Variants in CEP95 observed in about 807,000 individuals in gnomAD.
CEP95 encodes centrosomal protein of 95 kDa.
In CEP95, 98 loss-of-function variants were observed where a neutral mutation model predicts 111.2. The ratio of observed to expected loss-of-function variants is 0.88; its 90% CI spans 0.75 to 1.04. The LOEUF (loss-of-function observed/expected upper bound fraction) is 1.04. Among genes scored for constraint, CEP95 ranks in the 50% least tolerant of loss-of-function variants. The probability of loss-of-function intolerance (pLI) is 0.00; values close to 1 mark genes in which losing one functional copy is unlikely to be tolerated. For missense variants in CEP95, 1,027 were observed against 977.2 expected (o/e 1.05, Z -0.68); for synonymous variants, 323 against 327.1 (o/e 0.99, Z 0.14).
At chr17:64,532,134 T>TG in intron 14 of CEP95, 112 bp downstream of exon 14, 1 of 670,234 alleles carries the variant, frequency 1.5e-6, no homozygotes, top group African/African-American at 3.0e-5. Context: ...CCGAAGAAAG[T>TG]TTTTTTTTTT....
chr17:64,509,820 T>G (rs1213443343), intron 2 of CEP95, among the ~76,000 whole-genome samples: 1 of 152,106 alleles, frequency 6.6e-6, no homozygotes, highest in Non-Finnish European at 1.5e-5. Flanking sequence ...CTTATTAGAC[T>G]ATTAGCTGTC....
intron 3 of CEP95, among the ~76,000 whole-genome samples, chr17:64,513,505 G>A (rs943250184): frequency 1.1e-4 from 16 of 152,160 alleles, no homozygotes; most frequent in African/African-American, 3.9e-4. Context: ...TAGGTACTGT[G>A]CTAGGGACTG....
At chr17:64,507,849 G>A (rs1480276486) in intron 1 of CEP95, 2 of 985,382 alleles carry the variant, frequency 2.0e-6, no homozygotes, top group Non-Finnish European at 2.4e-6. Flanking sequence ...CCAATTCCCA[G>A]GCATTTCAAG....
chr17:64,508,870 T>C (rs1555673897), intron 2 of CEP95, 150 bp downstream of exon 2: 2 of 177,502 alleles, frequency 1.1e-5, no homozygotes, highest in Admixed American at 1.3e-4. Context: ...TATATTAATA[T>C]ACAATATTAA....
At chr17:64,507,298 C>G (rs1335082764) in intron 1 of CEP95, 182 bp downstream of exon 1, 4 of 1,464,210 alleles carry the variant, frequency 2.7e-6, no homozygotes, top group East Asian at 5.0e-5. Flanking sequence ...GCTTCGAGGC[C>G]GTGGAACAGC....
chr17:64,524,707 T>TC (rs1967654777), intron 8 of CEP95, among the ~76,000 whole-genome samples: 1 of 152,092 alleles, frequency 6.6e-6, no homozygotes, highest in South Asian at 2.1e-4. Flanking sequence ...GTGCGGTGGC[T>TC]CACACCTGTA....
intron 8 of CEP95, among the ~76,000 whole-genome samples, chr17:64,524,875 T>G (rs956560808): frequency 6.7e-6 from 1 of 149,636 alleles, no homozygotes; most frequent in Admixed American, 6.7e-5. Flanking sequence ...GGAGGCTGAG[T>G]CAGGAGAATT....
chr17:64,532,386 T>C, intron 14 of CEP95: 4 of 985,414 alleles, frequency 4.1e-6, no homozygotes, highest in Non-Finnish European at 4.8e-6. Context: ...TCCTATATAT[T>C]GACAGTGCCA....
chr17:64,523,757 T>A (rs1241813077), intron 8 of CEP95, among the ~76,000 whole-genome samples: 1 of 151,996 alleles, frequency 6.6e-6, no homozygotes, highest in East Asian at 1.9e-4. Flanking sequence ...AAAATTAGCC[T>A]GGAGTGGTGG....
chr17:64,507,020 T>A lies in CEP95; in HGVS notation c.-78T>A. 2.6e-6 allele frequency: 4 copies of A among 1,521,720 alleles called. No homozygotes were observed. In the Admixed American group the frequency reaches 7.8e-5, roughly 30 times the overall value. The allele number at this position is 1,521,720 out of a possible 1,614,324, so 94.3% of individuals were successfully genotyped here. On this transcript the variant is annotated 5_prime_UTR_variant, in exon 1 of 20. Transcript: ENST00000556440. ...CGTGCGTCCGCGCCCCAGTGTCGGG[T>A]CTGCGTGGATCGGTCCTTCCAGGAC...
chr17:64,508,742 G>A, intron 2 of CEP95, 22 bp downstream of exon 2: 11 of 1,332,034 alleles, frequency 8.3e-6, no homozygotes, highest in Non-Finnish European at 1.1e-5. Flanking sequence ...AAAAGCAGGA[G>A]TAATTTTGCC....
chr17:64,524,179 T>TG (rs1967606003), intron 8 of CEP95, among the ~76,000 whole-genome samples: 4 of 152,224 alleles, frequency 2.6e-5, no homozygotes, highest in Non-Finnish European at 4.4e-5. Context: ...GGTAATACTC[T>TG]GTTTCTTGAC....
chr17:64,532,097 C>T (rs1968321431), intron 14 of CEP95, 75 bp downstream of exon 14: 1 of 1,416,940 alleles, frequency 7.1e-7, no homozygotes, highest in Admixed American at 2.8e-5. Flanking sequence ...AAGGACACAG[C>T]ACTGAAAGCT....
chr17:64,507,243 C>T lies in CEP95; in HGVS notation c.19+127C>T, dbSNP rs1598163696. 1.3e-5 allele frequency: 19 copies of T among 1,519,324 alleles called. No individual in the cohort carries two copies. In the South Asian group the frequency reaches 1.8e-4, roughly 15 times the overall value. The allele number at this position is 1,519,324 out of a possible 1,614,324, so 94.1% of individuals were successfully genotyped here. A position where few individuals can be genotyped will look rare whatever the true frequency, so the allele number is the denominator to read the frequency against. ...CGTGACCTTCAGACGCCGCGTCGCG[C>T]TGGCGGGTTCCCTGGATAGGGTCTC... On this transcript the variant is annotated intron_variant, in intron 1 of 19. Coordinates refer to ENST00000556440, the MANE Select transcript of CEP95 (RefSeq NM_138363.3).
chr17:64,530,294 G>A (rs564773305), intron 12 of CEP95, among the ~76,000 whole-genome samples: 3 of 152,102 alleles, frequency 2.0e-5, no homozygotes, highest in Non-Finnish European at 4.4e-5. Flanking sequence ...GCTGAGGCAG[G>A]AGAATCACTT....
rs1968526884 is a variant in CEP95 at position 64,534,672 on chromosome 17, T to C, written c.2005T>C (p.Tyr669His). The change falls in exon 17 of 20, where the codon TAT becomes CAT. Residue 669 changes from tyrosine (Y) to histidine (H), a missense_variant. Tyr to His is a moderately conservative substitution (Grantham distance 83). Transcript: ENST00000556440. ...ACAGCAAATCGTTCGTGCTCGAAAA[T>C]ATTATGATGATTATAGAGTTCAGTT... is the stretch of plus-strand genomic sequence containing the variant. ...NRQQIVRARKYYDDYRVQLCA... is the reference protein window; with the variant it reads ...NRQQIVRARKHYDDYRVQLCA... The C allele has an allele frequency of 6.2e-7, 1 of 1,610,248 alleles. No homozygotes were observed. The highest frequency in any genetic ancestry group is 2.2e-5 in the East Asian group (1 of 44,838).
At chr17:64,514,176 C>G in intron 3 of CEP95, 72 bp from the exon 4 acceptor site, 1 of 626,644 alleles carries the variant, frequency 1.6e-6, no homozygotes, top group South Asian at 2.1e-5. Context: ...AATGTTATAT[C>G]CAAGTTTCAA....
At chr17:64,533,772 A>G (rs1407729768) in intron 16 of CEP95, among the ~76,000 whole-genome samples, 3 of 152,152 alleles carry the variant, frequency 2.0e-5, no homozygotes, top group African/African-American at 7.2e-5. Flanking sequence ...TCTCACTGAT[A>G]AGCAAGGGAC....
chr17:64,508,943 C>T (rs1299022567), intron 2 of CEP95, among the ~76,000 whole-genome samples: 1 of 150,970 alleles, frequency 6.6e-6, no homozygotes, highest in Non-Finnish European at 1.5e-5. Flanking sequence ...ATATTGTATT[C>T]CTTAAGGAAT....
Sources: allele counts gnomAD v4.1 joint callset (sites outside exome capture counted in the v4.1 genomes callset), GRCh38; gene constraint gnomAD v4.1.1; transcripts MANE v1.5; gene names NCBI Gene and HGNC (gene_info 2026-07-23, HGNC 2026-07-21).